Variants in BICD1 observed in about 807,000 individuals in gnomAD.
BICD1 encodes the protein BICD cargo adaptor 1.
In BICD1, 35 loss-of-function variants were observed where a neutral mutation model predicts 92.5. That is an observed-to-expected ratio of 0.38 (90% CI 0.29 to 0.50). The LOEUF (loss-of-function observed/expected upper bound fraction) is 0.50, where lower values mean the gene tolerates loss of function less well. Ranked by LOEUF, BICD1 falls within the 20% of genes least tolerant of loss-of-function variation. BICD1 has a pLI of 0.93. For missense variants in BICD1, 950 were observed against 1,189.8 expected, an observed-to-expected ratio of 0.80 and a Z score of 2.97; for synonymous variants, 429 against 465.1, an observed-to-expected ratio of 0.92 and a Z score of 1.00.
intron 4 of BICD1, among the ~76,000 whole-genome samples, chr12:32,309,054 A>G (rs1436115234): frequency 3.3e-5 from 5 of 152,192 alleles, no homozygotes; most frequent in Admixed American, 6.5e-5. Flanking sequence ...TATTTTATTC[A>G]AACAAGTATA....
intron 5 of BICD1, chr12:32,332,856 A>T: frequency 1.0e-6 from 1 of 985,424 alleles, no homozygotes. Context: ...GTGGCTGGAA[A>T]TAAGACTTTT....
At chr12:32,121,419 C>G (rs1278496951) in intron 1 of BICD1, among the ~76,000 whole-genome samples, 2 of 151,496 alleles carry the variant, frequency 1.3e-5, no homozygotes, top group East Asian at 2.0e-4. Context: ...ATGGTGAAAC[C>G]CTCTCTCTAC....
At chr12:32,311,610 T>C (rs570575756) in intron 4 of BICD1, among the ~76,000 whole-genome samples, 1 of 152,344 alleles carries the variant, frequency 6.6e-6, no homozygotes, top group Non-Finnish European at 1.5e-5. Flanking sequence ...TGACAATTGG[T>C]TGAGTTTGTC....
intron 1 of BICD1, among the ~76,000 whole-genome samples, chr12:32,203,370 G>C (rs984045904): frequency 6.6e-6 from 1 of 152,186 alleles, no homozygotes; most frequent in Non-Finnish European, 1.5e-5. Flanking sequence ...TTCATCAAAA[G>C]ACATCGCTAA....
chr12:32,293,892 C>A, intron 2 of BICD1, 102 bp from the exon 3 acceptor site: 3 of 1,208,810 alleles, frequency 2.5e-6, no homozygotes, highest in East Asian at 2.7e-5. Context: ...AATTTACACC[C>A]CATGAGGTGT....
rs1555142734 is a variant in BICD1 at position 32,179,988 on chromosome 12, T to TC, written c.214-36258dup. ...CTGGGCAACAAAGCAAGACACGCTC[T>TC]CAAAAAAAAAAAAAAAAAAATTGGC... On this transcript the variant is annotated intron_variant, in intron 1 of 9. Transcript: ENST00000652176. Among the ~76,000 whole-genome samples, 27 of 27,430 alleles carry TC rather than the reference T, an allele frequency of 9.8e-4. No homozygotes were observed. The Admixed American group carries it at 0.011, about 12-fold the overall frequency. 18.0% of individuals were successfully genotyped at this position (27,430 alleles called of 152,430 possible). A position where few individuals can be genotyped will look rare whatever the true frequency, so the allele number is the denominator to read the frequency against.
chr12:32,185,894 G>T (rs1944411919), intron 1 of BICD1, among the ~76,000 whole-genome samples: 1 of 151,954 alleles, frequency 6.6e-6, no homozygotes, highest in Non-Finnish European at 1.5e-5. Context: ...TTGATAGGAA[G>T]ATGGCCTTCT....
chr12:32,296,537 G>C (rs1417646086), intron 3 of BICD1, among the ~76,000 whole-genome samples: 4 of 152,054 alleles, frequency 2.6e-5, no homozygotes, highest in African/African-American at 9.7e-5. Flanking sequence ...GATTATAGGT[G>C]TGAGCCACCA....
At chr12:32,365,509 CTCTAAT>C (rs1939496154) in intron 8 of BICD1, among the ~76,000 whole-genome samples, 1 of 152,174 alleles carries the variant, frequency 6.6e-6, no homozygotes, top group South Asian at 2.1e-4. Context: ...ACTCTAGTTA[CTCTAAT>C]TCTAAGGATC....
At chr12:32,208,833 C>CT (rs139701489) in intron 1 of BICD1, among the ~76,000 whole-genome samples, 5,013 of 150,802 alleles carry the variant, frequency 0.033, 270 homozygotes, top group African/African-American at 0.11. Context: ...TTATTTTTTT[C>CT]TTTTTTTTTG....
intron 3 of BICD1, among the ~76,000 whole-genome samples, chr12:32,299,084 C>T (rs1947962441): frequency 6.6e-6 from 1 of 152,102 alleles, no homozygotes; most frequent in South Asian, 2.1e-4. Context: ...ATTAAAGCCA[C>T]ATGTTAGGTT....
chr12:32,282,202 C>CTTCTTTTTT (rs1947430802), intron 2 of BICD1, among the ~76,000 whole-genome samples: 1 of 94,236 alleles, frequency 1.1e-5, no homozygotes, highest in African/African-American at 4.5e-5. Context: ...AGGTCTTCTT[C>CTTCTTTTTT]TTTTTTTTTT....
chr12:32,191,649 T>C (rs1944570944), intron 1 of BICD1, among the ~76,000 whole-genome samples: 1 of 147,876 alleles, frequency 6.8e-6, no homozygotes, highest in African/African-American at 2.5e-5. Flanking sequence ...TATTATATGT[T>C]ATATGCAATA....
chr12:32,301,218 C>A (rs533839352), intron 3 of BICD1, among the ~76,000 whole-genome samples: 4 of 152,136 alleles, frequency 2.6e-5, no homozygotes, highest in Non-Finnish European at 5.9e-5. Flanking sequence ...TCCTGGCTAA[C>A]AAATTGAGAT....
At chr12:32,226,157 C>T (rs1000449113) in intron 2 of BICD1, among the ~76,000 whole-genome samples, 2 of 152,170 alleles carry the variant, frequency 1.3e-5, no homozygotes, top group South Asian at 2.1e-4. Context: ...TGCTTTGAGA[C>T]GGAGTCTCGC....
intron 1 of BICD1, among the ~76,000 whole-genome samples, chr12:32,154,297 A>C (rs1943374598): frequency 6.6e-6 from 1 of 152,178 alleles, no homozygotes; most frequent in Admixed American, 6.5e-5. Flanking sequence ...TTGAAAAATA[A>C]AAGGCGAGGT....
chr12:32,211,192 G>A (rs1945202605), intron 1 of BICD1, among the ~76,000 whole-genome samples: 1 of 152,190 alleles, frequency 6.6e-6, no homozygotes, highest in Admixed American at 6.5e-5. Flanking sequence ...CAGGATTGGT[G>A]TTATTTTGCT....
At chr12:32,334,322 T>C (rs1382666438) in intron 5 of BICD1, among the ~76,000 whole-genome samples, 194 bp from the exon 6 acceptor site, 1 of 152,212 alleles carries the variant, frequency 6.6e-6, no homozygotes, top group Non-Finnish European at 1.5e-5. Flanking sequence ...AACCACATTA[T>C]GAATTCACAA....
chr12:32,300,631 ATTTTTTTTTTTTTTTTTTTTTTT>A (rs34219566), intron 3 of BICD1, among the ~76,000 whole-genome samples: 2 of 80,566 alleles, frequency 2.5e-5, no homozygotes, highest in East Asian at 1.2e-3. Flanking sequence ...ACTTTACAGT[ATTTTTTTTTTTTTTTTTTTTTTT>A]TTTTTTGGAG....
Sources: allele counts gnomAD v4.1 joint callset (sites outside exome capture counted in the v4.1 genomes callset), GRCh38; gene constraint gnomAD v4.1.1; transcripts MANE v1.5; gene names NCBI Gene and HGNC (gene_info 2026-07-23, HGNC 2026-07-21).